Variants in CD247 observed in about 807,000 individuals in gnomAD.
CD247 encodes T-cell surface glycoprotein CD3 zeta chain.
CD247 carries 13 observed loss-of-function variants against 30.0 expected under a neutral mutation model. The ratio of observed to expected loss-of-function variants is 0.43; its 90% CI spans 0.28 to 0.69. CD247 has a LOEUF of 0.69. Ranked by LOEUF, CD247 falls within the 30% of genes least tolerant of loss-of-function variation. CD247 has a pLI of 0.16. For missense variants in CD247, 193 were observed against 212.6 expected, an observed-to-expected ratio of 0.91 and a Z score of 0.57; for synonymous variants, 72 against 80.0, an observed-to-expected ratio of 0.90 and a Z score of 0.53.
At chr1:167,518,258 C>T in intron 1 of CD247, 150 bp downstream of exon 1, 4 of 752,244 alleles carry the variant, frequency 5.3e-6, no homozygotes, top group Non-Finnish European at 7.0e-6. Flanking sequence ...CCGGGCCGGA[C>T]CCCTCACTGC....
chr1:167,432,884 G>A lies in CD247; in HGVS notation c.429+140C>T, dbSNP rs1363170396. ...ACTTATTGGCAGTGGCGTTGCCACT[G>A]GCCTAAATGGGTGCCTTGGGCTTGC... is the stretch of plus-strand genomic sequence containing the variant. On this transcript the variant is annotated intron_variant, in intron 7 of 7. Transcript: ENST00000362089. 1.7e-5 allele frequency: 14 copies of A among 831,798 alleles called. No homozygotes were observed. In the East Asian group the frequency reaches 3.6e-4, roughly 22 times the overall value. The allele number at this position is 831,798 out of a possible 1,614,324, so 51.5% of individuals were successfully genotyped here. A position where few individuals can be genotyped will look rare whatever the true frequency, so the allele number is the denominator to read the frequency against.
intron 1 of CD247, among the ~76,000 whole-genome samples, chr1:167,456,518 T>C (rs1259170457): frequency 1.3e-5 from 2 of 152,224 alleles, no homozygotes; most frequent in Non-Finnish European, 2.9e-5. Context: ...TCTTTCCTCC[T>C]CTTGGCTCAC....
chr1:167,495,596 GC>G (rs1414141642), intron 1 of CD247, among the ~76,000 whole-genome samples: 1 of 152,068 alleles, frequency 6.6e-6, no homozygotes, highest in Admixed American at 6.6e-5. Context: ...TATCTTTTCT[GC>G]TCCAAGTCCT....
At chr1:167,483,018 T>TCTTTC (rs1286731752) in intron 1 of CD247, among the ~76,000 whole-genome samples, 20 of 138,324 alleles carry the variant, frequency 1.4e-4, no homozygotes, top group Admixed American at 3.1e-4. Flanking sequence ...CTTTCTTTTT[T>TCTTTC]TTTTTTTGAG....
intron 1 of CD247, among the ~76,000 whole-genome samples, chr1:167,498,155 C>T (rs1441542801): frequency 2.0e-5 from 3 of 152,204 alleles, no homozygotes; most frequent in African/African-American, 7.2e-5. Flanking sequence ...TGTTGCTGCT[C>T]CCGTCAAGAA....
intron 1 of CD247, among the ~76,000 whole-genome samples, chr1:167,484,319 G>C (rs1198692254): frequency 1.3e-5 from 2 of 152,128 alleles, no homozygotes; most frequent in Non-Finnish European, 2.9e-5. Context: ...ACTGTGTTGT[G>C]GGGGCTCCTT....
intron 1 of CD247, among the ~76,000 whole-genome samples, chr1:167,482,858 A>T (rs1654028749): frequency 6.6e-6 from 1 of 152,104 alleles, no homozygotes; most frequent in African/African-American, 2.4e-5. Context: ...CTATTCAAGG[A>T]TGGGTGAAAA....
chr1:167,467,442 T>C (rs924351307), intron 1 of CD247, among the ~76,000 whole-genome samples: 1 of 152,248 alleles, frequency 6.6e-6, no homozygotes, highest in African/African-American at 2.4e-5. Context: ...CAGATAATTC[T>C]GTTGGATTGG....
At chr1:167,458,636 C>T (rs1275103948) in intron 1 of CD247, 1 of 151,254 alleles carries the variant, frequency 6.6e-6, no homozygotes, top group Non-Finnish European at 1.5e-5. Flanking sequence ...CTACTTTCAG[C>T]AAAATGCATT....
intron 1 of CD247, among the ~76,000 whole-genome samples, chr1:167,506,892 ATT>A (rs10587631): frequency 0.31 from 30,132 of 96,568 alleles, 2,769 homozygotes; most frequent in East Asian, 0.51. Context: ...GTTCCCTCTG[ATT>A]TTTTTTTTTT....
At chr1:167,518,086 C>A (rs998063841) in intron 1 of CD247, among the ~76,000 whole-genome samples, 4 of 152,166 alleles carry the variant, frequency 2.6e-5, no homozygotes, top group African/African-American at 9.7e-5. Context: ...GTGAAACACT[C>A]CCTCTCCGTT....
chr1:167,445,069 G>A (rs1378818768), intron 1 of CD247, among the ~76,000 whole-genome samples: 2 of 152,010 alleles, frequency 1.3e-5, no homozygotes. Context: ...GGGATTACAG[G>A]TGCACACCAC....
intron 1 of CD247, among the ~76,000 whole-genome samples, chr1:167,479,956 C>T (rs751070932): frequency 1.3e-5 from 2 of 152,190 alleles, no homozygotes; most frequent in Non-Finnish European, 2.9e-5. Context: ...TCTCTTTTGC[C>T]TCATATGCCC....
intron 4 of CD247, among the ~76,000 whole-genome samples, chr1:167,436,187 C>T (rs1462621598): frequency 6.6e-6 from 1 of 152,212 alleles, no homozygotes; most frequent in South Asian, 2.1e-4. Flanking sequence ...ACATGATACA[C>T]CACATTAACA....
intron 1 of CD247, among the ~76,000 whole-genome samples, chr1:167,464,970 A>G (rs76763360): frequency 0.023 from 3,510 of 152,330 alleles, 146 homozygotes; most frequent in African/African-American, 0.08. Context: ...AGAGAGCCAC[A>G]TAGTATTATT....
intron 1 of CD247, among the ~76,000 whole-genome samples, chr1:167,516,429 A>G (rs1571609700): frequency 6.6e-6 from 1 of 152,260 alleles, no homozygotes; most frequent in Admixed American, 6.5e-5. Flanking sequence ...ATGCAAATGC[A>G]ACAGCTTAGT....
intron 1 of CD247, among the ~76,000 whole-genome samples, chr1:167,500,704 T>C (rs1268003768): frequency 1.3e-5 from 2 of 152,268 alleles, no homozygotes; most frequent in Non-Finnish European, 2.9e-5. Flanking sequence ...AAACTCTCCA[T>C]GAACAGAGCA....
chr1:167,514,987 C>T (rs553891669), intron 1 of CD247, among the ~76,000 whole-genome samples: 3 of 152,212 alleles, frequency 2.0e-5, no homozygotes, highest in African/African-American at 7.2e-5. Context: ...AAATTAAATA[C>T]AGCAGTGGTT....
At chr1:167,466,362 AT>A (rs1436382814) in intron 1 of CD247, among the ~76,000 whole-genome samples, 1 of 152,106 alleles carries the variant, frequency 6.6e-6, no homozygotes, top group African/African-American at 2.4e-5. Flanking sequence ...AAGCTGCTAG[AT>A]GTTCTGTGTA....
Sources: allele counts gnomAD v4.1 joint callset (sites outside exome capture counted in the v4.1 genomes callset), GRCh38; gene constraint gnomAD v4.1.1; transcripts MANE v1.5; gene names NCBI Gene and HGNC (gene_info 2026-07-23, HGNC 2026-07-21).